The following SHANK2 variants were observed in gnomAD, a reference collection of about 807,000 sequenced individuals.
SHANK2 encodes SH3 and multiple ankyrin repeat domains 2, also known as SH3 and multiple ankyrin repeat domains protein 2.
A neutral mutation model predicts 133.7 loss-of-function variants in SHANK2; 43 were observed. That is an observed-to-expected ratio of 0.32 (90% CI 0.25 to 0.41). The LOEUF is 0.41. Among genes scored for constraint, SHANK2 ranks in the 10% least tolerant of loss-of-function variants. The pLI is 1.00. For synonymous variants in SHANK2, 1,017 were observed against 952.8 expected, an observed-to-expected ratio of 1.07 and a Z score of -1.24; for missense variants, 1,994 against 2,235.8, an observed-to-expected ratio of 0.89 and a Z score of 2.18.
At chr11:70,635,838 T>A (rs1456476627) in intron 17 of SHANK2, among the ~76,000 whole-genome samples, 10 of 152,022 alleles carry the variant, frequency 6.6e-5, no homozygotes. Flanking sequence ...AAGGTCTTCA[T>A]AAACCCTCGG....
Position 70,941,471 on chromosome 11 carries a change from C to T in SHANK2, c.1108-44904G>A, listed in dbSNP as rs782799887. On this transcript the variant is annotated intron_variant, in intron 10 of 25. Coordinates refer to ENST00000601538, the MANE Select transcript of SHANK2 (RefSeq NM_012309.5). ...TATCTCCTAAACTTGCTGTTGGGGT[C>T]GCTATGGACTAAATTGTGTGTCCCC... Among the ~76,000 whole-genome samples, 23 of 152,320 alleles carry T rather than the reference C, an allele frequency of 1.5e-4. 1 individual carries two copies. Among genetic ancestry groups the T allele is most frequent in the African/African-American group, 1.7e-4 (7 of 41,570 alleles).
rs142133222 is a variant in SHANK2, at chr11:70,810,885, C to A, written c.1494-3714G>T. ...CAGCAGCCAGAACACAGGGCTATGC[C>A]GACATCATCTCAACCCCCTCTCCTG... On this transcript the variant is annotated intron_variant, in intron 12 of 25. Transcript: ENST00000601538. Among the ~76,000 whole-genome samples, 993 of 152,280 alleles carry A rather than the reference C, an allele frequency of 6.5e-3. 6 individuals carry two copies. The highest frequency in any genetic ancestry group is 0.01 in the Non-Finnish European group (694 of 68,034).
chr11:71,177,399 A>G (rs1285305851), intron 2 of SHANK2, among the ~76,000 whole-genome samples: 1 of 152,212 alleles, frequency 6.6e-6, no homozygotes, highest in Non-Finnish European at 1.5e-5. Context: ...GAGTGGGAAA[A>G]TGGAAGCATA....
intron 10 of SHANK2, among the ~76,000 whole-genome samples, chr11:70,914,331 G>A (rs1186293933): frequency 2.0e-5 from 3 of 151,966 alleles, no homozygotes; most frequent in African/African-American, 4.8e-5. Context: ...CACCAGGAGA[G>A]CATGAGCAAT....
chr11:70,948,331 T>C (rs782739469), intron 10 of SHANK2: 1 of 457,310 alleles, frequency 2.2e-6, no homozygotes, highest in South Asian at 1.5e-5. Flanking sequence ...CAGAGTGTGG[T>C]GTGGCTCACT....
intron 8 of SHANK2, among the ~76,000 whole-genome samples, chr11:71,089,227 G>A (rs997435471): frequency 1.7e-4 from 26 of 152,250 alleles, no homozygotes; most frequent in Non-Finnish European, 2.6e-4. Context: ...CGAAGCTCAC[G>A]CCATGCAGAC....
At chr11:71,086,789 G>T (rs1236856970) in intron 8 of SHANK2, among the ~76,000 whole-genome samples, 1 of 152,080 alleles carries the variant, frequency 6.6e-6, no homozygotes, top group Non-Finnish European at 1.5e-5. Context: ...GCTCCTGCAG[G>T]CCCGTGCAGG....
intron 14 of SHANK2, among the ~76,000 whole-genome samples, chr11:70,712,416 C>G (rs1945807927): frequency 6.6e-6 from 1 of 152,158 alleles, no homozygotes; most frequent in Non-Finnish European, 1.5e-5. Context: ...CGCTATTGTG[C>G]CCACCATAAC....
intron 1 of SHANK2, among the ~76,000 whole-genome samples, chr11:71,251,794 G>T (rs1948186762): frequency 6.6e-6 from 1 of 151,102 alleles, no homozygotes; most frequent in Non-Finnish European, 1.5e-5. Context: ...CACCAGGCGC[G>T]CCGGCCCCGG....
chr11:70,565,801 C>G (rs191435020), intron 17 of SHANK2, among the ~76,000 whole-genome samples: 1 of 152,274 alleles, frequency 6.6e-6, no homozygotes, highest in East Asian at 1.9e-4. Context: ...ATCTTGGCCA[C>G]AAGTAGAAGT....
intron 17 of SHANK2, among the ~76,000 whole-genome samples, chr11:70,547,146 A>C (rs987770032): frequency 6.6e-6 from 1 of 151,948 alleles, no homozygotes; most frequent in Non-Finnish European, 1.5e-5. Context: ...CTGGGCCCTA[A>C]ATCCCCACTA....
intron 1 of SHANK2, among the ~76,000 whole-genome samples, chr11:71,238,403 T>C (rs1001943237): frequency 2.0e-5 from 3 of 152,226 alleles, no homozygotes; most frequent in Admixed American, 6.5e-5. Flanking sequence ...TATTTAATGC[T>C]CACAGCTACC....
intron 11 of SHANK2, among the ~76,000 whole-genome samples, chr11:70,837,010 A>C (rs1948829294): frequency 6.6e-6 from 1 of 152,168 alleles, no homozygotes; most frequent in Admixed American, 6.5e-5. Flanking sequence ...GGGAGGGCTC[A>C]ACCAGAAGGC....
chr11:70,700,717 G>T (rs529469337), intron 14 of SHANK2, among the ~76,000 whole-genome samples: 2 of 152,138 alleles, frequency 1.3e-5, no homozygotes, highest in East Asian at 1.9e-4. Context: ...CCCGTGCCTC[G>T]ACTGCAGGGA....
chr11:70,732,911 C>T (rs1555032602), intron 14 of SHANK2, among the ~76,000 whole-genome samples: 1 of 152,226 alleles, frequency 6.6e-6, no homozygotes, highest in African/African-American at 2.4e-5. Context: ...GCTGTAACCC[C>T]AGCTCTGGAA....
At chr11:70,865,679 A>G (rs1949345573) in intron 11 of SHANK2, among the ~76,000 whole-genome samples, 1 of 152,204 alleles carries the variant, frequency 6.6e-6, no homozygotes, top group Non-Finnish European at 1.5e-5. Flanking sequence ...AAGGAGCCAC[A>G]GGACACTGCC....
Position 70,485,483 on chromosome 11 carries a change from A to G in SHANK2, c.4810T>C (p.Leu1604=). ...AKVLQPRTSK[L]WGDVTEIKSP... ...TTGATCTCTGTGACGTCGCCCCACA[A>G]CTTGGAGGTCCTTGGCTGGAGAACC... Residue 1604 remains leucine (L), a synonymous_variant, in exon 25 of 26, where the codon TTG becomes CTG. Transcript: ENST00000601538. The surrounding 1 kb of genome is among the most constrained non-coding windows in gnomAD (Gnocchi z 5.8). 1 of 1,612,974 alleles carries G rather than the reference A, an allele frequency of 6.2e-7. No individual in the cohort carries two copies. The highest frequency in any genetic ancestry group is 8.5e-7 in the Non-Finnish European group (1 of 1,179,760).
At chr11:70,657,500 C>T (rs141481185) in intron 17 of SHANK2, among the ~76,000 whole-genome samples, 93 of 152,304 alleles carry the variant, frequency 6.1e-4, no homozygotes, top group Middle Eastern at 6.8e-3. Flanking sequence ...AGGAGAATTT[C>T]TGAGTCCCAG....
At position 70,551,699 on chromosome 11, in the gene SHANK2, T is replaced by G. The variant is rs190704722; in HGVS notation, c.2062-48768A>C. On this transcript the variant is annotated intron_variant, in intron 17 of 25. Coordinates refer to ENST00000601538, the MANE Select transcript of SHANK2 (RefSeq NM_012309.5). ...TTGTACTAAGACACTAAAATAAATA[T>G]GCTCCATCAACATGAAGCATAGCCC... Among the ~76,000 whole-genome samples the G allele has an allele frequency of 1.1e-4, 17 of 152,354 alleles. No homozygotes were observed. The East Asian group carries it at 3.3e-3, about 29-fold the overall frequency.
Sources: gnomAD v4.1 joint callset for allele counts (sites outside exome capture counted in the v4.1 genomes callset) on GRCh38, gnomAD v4.1.1 for gene constraint, Gnocchi (gnomAD v3.1) non-coding constraint, MANE v1.5 for transcripts, NCBI Gene and HGNC (gene_info 2026-07-23, HGNC 2026-07-21) for gene names.